MACROD2: variants seen among roughly 807,000 people sequenced by gnomAD.
MACROD2 encodes the protein mono-ADP ribosylhydrolase 2.
In MACROD2, 36 loss-of-function variants were observed where a neutral mutation model predicts 70.4. That is an observed-to-expected ratio of 0.51 (90% CI 0.39 to 0.68). The LOEUF (loss-of-function observed/expected upper bound fraction) is 0.68. Ranked by LOEUF, MACROD2 falls within the 30% of genes least tolerant of loss-of-function variation. The probability of loss-of-function intolerance (pLI) is 0.00; values close to 1 mark genes in which losing one functional copy is unlikely to be tolerated. For synonymous variants in MACROD2, 172 were observed against 178.8 expected, an observed-to-expected ratio of 0.96 and a Z score of 0.30; for missense variants, 496 against 538.4, an observed-to-expected ratio of 0.92 and a Z score of 0.78.
chr20:15,524,416 T>C (rs1023256703), intron 8 of MACROD2, among the ~76,000 whole-genome samples: 4 of 152,124 alleles, frequency 2.6e-5, no homozygotes, highest in Non-Finnish European at 5.9e-5. Flanking sequence ...GTTTAATTTT[T>C]CTGGAGAAGT....
chr20:14,175,360 C>A (rs1381427359), intron 3 of MACROD2, among the ~76,000 whole-genome samples: 2 of 152,146 alleles, frequency 1.3e-5, no homozygotes, highest in Admixed American at 6.5e-5. Context: ...TATTCAGGAA[C>A]CTAATTGCTG....
At chr20:15,414,137 T>C (rs1469475872) in intron 6 of MACROD2, among the ~76,000 whole-genome samples, 1 of 152,124 alleles carries the variant, frequency 6.6e-6, no homozygotes, top group African/African-American at 2.4e-5. Flanking sequence ...CCACTTGGAG[T>C]TAAGTTTCCT....
chr20:14,320,583 G>A (rs1270509295), intron 3 of MACROD2, among the ~76,000 whole-genome samples: 6 of 151,020 alleles, frequency 4.0e-5, no homozygotes, highest in Non-Finnish European at 8.8e-5. Flanking sequence ...CATGGACCCT[G>A]TATTTCAGTT....
chr20:14,427,742 G>A (rs1171558204), intron 3 of MACROD2, among the ~76,000 whole-genome samples: 2 of 151,998 alleles, frequency 1.3e-5, no homozygotes, highest in Non-Finnish European at 2.9e-5. Context: ...AATATAGCTG[G>A]TGTTTCTTTT....
intron 15 of MACROD2, among the ~76,000 whole-genome samples, chr20:16,007,795 G>A (rs1568704366): frequency 6.6e-6 from 1 of 152,076 alleles, no homozygotes; most frequent in Non-Finnish European, 1.5e-5. Flanking sequence ...TCCCCTCTGA[G>A]CTGCTCTGAG....
chr20:14,547,804 A>G (rs1431719059), intron 4 of MACROD2, among the ~76,000 whole-genome samples: 2 of 152,146 alleles, frequency 1.3e-5, no homozygotes, highest in Non-Finnish European at 2.9e-5. Flanking sequence ...ATACAGTTGC[A>G]TTCAGCTGAG....
chr20:15,704,303 T>C (rs762991576), intron 8 of MACROD2, among the ~76,000 whole-genome samples: 1 of 152,162 alleles, frequency 6.6e-6, no homozygotes, highest in Non-Finnish European at 1.5e-5. Context: ...TATCACACAT[T>C]TTAGCAGTTA....
At chr20:14,971,754 C>T (rs2074693759) in intron 5 of MACROD2, among the ~76,000 whole-genome samples, 3 of 152,028 alleles carry the variant, frequency 2.0e-5, no homozygotes, top group African/African-American at 7.2e-5. Context: ...TTACATAGCG[C>T]ATGGGGAAGC....
intron 3 of MACROD2, among the ~76,000 whole-genome samples, chr20:14,348,156 C>A (rs1159177989): frequency 6.6e-6 from 1 of 151,592 alleles, no homozygotes; most frequent in East Asian, 1.9e-4. Context: ...GTAGTCCCAG[C>A]TACTTGGGAG....
chr20:15,430,180 G>C (rs1443398465), intron 6 of MACROD2, among the ~76,000 whole-genome samples: 2 of 151,888 alleles, frequency 1.3e-5, no homozygotes, highest in Non-Finnish European at 2.9e-5. Flanking sequence ...CACTTAGGTT[G>C]ACTCCATATT....
chr20:14,855,404 C>G (rs76609316), intron 5 of MACROD2, among the ~76,000 whole-genome samples: 1 of 152,044 alleles, frequency 6.6e-6, no homozygotes, highest in Non-Finnish European at 1.5e-5. Flanking sequence ...AGGGACCTGG[C>G]GGGGGAAGGT....
chr20:14,088,327 T>TAAAAA (rs11372104), intron 3 of MACROD2, among the ~76,000 whole-genome samples: 1 of 117,928 alleles, frequency 8.5e-6, no homozygotes, highest in Non-Finnish European at 1.7e-5. Context: ...AGACTCCATC[T>TAAAAA]AAAAAAAAAA....
At chr20:14,603,564 T>C (rs1373705544) in intron 4 of MACROD2, among the ~76,000 whole-genome samples, 4 of 152,200 alleles carry the variant, frequency 2.6e-5, no homozygotes, top group Non-Finnish European at 4.4e-5. Flanking sequence ...AAATTCTTAA[T>C]TATAAAGGAA....
chr20:15,819,063 A>G (rs1200357009), intron 8 of MACROD2, among the ~76,000 whole-genome samples: 6 of 151,984 alleles, frequency 3.9e-5, no homozygotes, highest in Admixed American at 3.9e-4. Context: ...TGCCCAAAGT[A>G]GATGAAATCA....
At chr20:14,570,717 C>G (rs1980135638) in intron 4 of MACROD2, among the ~76,000 whole-genome samples, 1 of 151,940 alleles carries the variant, frequency 6.6e-6, no homozygotes, top group African/African-American at 2.4e-5. Context: ...CCTTAGAACA[C>G]TAAGGAAGAT....
intron 4 of MACROD2, among the ~76,000 whole-genome samples, chr20:14,659,211 C>T (rs759387538): frequency 1.1e-4 from 16 of 152,246 alleles, no homozygotes; most frequent in Middle Eastern, 3.4e-3. Flanking sequence ...CTTGGGTTAT[C>T]GGAATGTTAG....
At chr20:14,569,563 G>T (rs1186894893) in intron 4 of MACROD2, among the ~76,000 whole-genome samples, 1 of 151,742 alleles carries the variant, frequency 6.6e-6, no homozygotes, top group Non-Finnish European at 1.5e-5. Context: ...CAACATTTAG[G>T]TCCCCCCACC....
chr20:15,530,154 T>C (rs1600541629), intron 8 of MACROD2, among the ~76,000 whole-genome samples: 1 of 152,324 alleles, frequency 6.6e-6, no homozygotes, highest in African/African-American at 2.4e-5. Flanking sequence ...TGGCCATATG[T>C]AGAATTAGCT....
intron 3 of MACROD2, among the ~76,000 whole-genome samples, chr20:14,218,089 G>A (rs1002363412): frequency 6.6e-6 from 1 of 152,096 alleles, no homozygotes; most frequent in African/African-American, 2.4e-5. Flanking sequence ...CTGTCTTGAT[G>A]ACCTGTCTAG....
Sources: allele counts gnomAD v4.1 joint callset (sites outside exome capture counted in the v4.1 genomes callset), GRCh38; gene constraint gnomAD v4.1.1; transcripts MANE v1.5; gene names NCBI Gene and HGNC (gene_info 2026-07-23, HGNC 2026-07-21).